Variants in CEP63 observed in about 807,000 individuals in gnomAD.
CEP63 encodes centrosomal protein 63.
A neutral mutation model predicts 89.1 loss-of-function variants in CEP63; 84 were observed. The observed-to-expected ratio is 0.94, with a 90% CI of 0.79 to 1.13. The LOEUF (loss-of-function observed/expected upper bound fraction) is 1.13, where lower values mean the gene tolerates loss of function less well. Among genes scored for constraint, CEP63 ranks in the 50% most tolerant of loss-of-function variants. The pLI, the probability that CEP63 is intolerant of heterozygous loss-of-function variation, is 0.00. For synonymous variants in CEP63, 267 were observed against 272.5 expected (o/e 0.98, Z 0.20); for missense variants, 838 against 813.3 (o/e 1.03, Z -0.37).
the CEP63 span, among the ~76,000 whole-genome samples, chr3:134,671,716 T>C: frequency 6.6e-6 from 1 of 152,182 alleles, no homozygotes; most frequent in Non-Finnish European, 1.5e-5. Flanking sequence ...TGCTGCTGGG[T>C]ACAGTGAACA....
chr3:134,550,535 G>T (rs1046042436), intron 11 of CEP63, among the ~76,000 whole-genome samples: 3 of 152,170 alleles, frequency 2.0e-5, no homozygotes, highest in Non-Finnish European at 4.4e-5. Flanking sequence ...AGGCCTTCCA[G>T]AAGGTGTGAT....
At chr3:134,746,944 G>T in the CEP63 span, among the ~76,000 whole-genome samples, 2 of 152,138 alleles carry the variant, frequency 1.3e-5, no homozygotes, top group African/African-American at 4.8e-5. Flanking sequence ...GATCCCATTT[G>T]TCTATTTTGG....
At chr3:134,485,945 C>T, upstream of CEP63, 1 of 980,818 alleles carries the variant, frequency 1.0e-6, no homozygotes, top group Non-Finnish European at 1.2e-6. Context: ...GCGCTGGAAA[C>T]CCTTACCGGC....
chr3:134,561,278 A>G lies in CEP63; in HGVS notation c.1954-99A>G, dbSNP rs562180657. On this transcript the variant is annotated intron_variant, in intron 14 of 14. Coordinates refer to ENST00000675561, the MANE Select transcript of CEP63 (RefSeq NM_001353108.3). ...AAAGTATCTTCAGAGGAAAAAAATCACCTTTTAATATTGCTAGTTAGAAAA... is the reference window on the plus strand; with the variant it reads ...AAAGTATCTTCAGAGGAAAAAAATCGCCTTTTAATATTGCTAGTTAGAAAA... The G allele has an allele frequency of 2.5e-5, 31 of 1,240,082 alleles. No individual in the cohort carries two copies. The African/African-American group carries it at 4.3e-4, about 17-fold the overall frequency. 76.8% of individuals were successfully genotyped at this position (1,240,082 alleles called of 1,614,324 possible).
At position 134,545,816 on chromosome 3, in the gene CEP63, A is replaced by T. The variant is rs762433578; in HGVS notation, c.786A>T (p.Leu262Phe). 5.6e-6 allele frequency: 9 copies of T among 1,606,952 alleles called. No homozygotes were observed. The South Asian group carries it at 9.9e-5, about 18-fold the overall frequency. ...AATTGAGGGAATCTGAAAAACTATT[A>T]GAGGTATGTTTTAAAATCACTATAA... ...EEKLRESEKL[L>F]EALQEEKREL... The change falls in exon 7 of 15, where the codon TTA (leucine) becomes TTT (phenylalanine). Residue 262 changes from leucine (L) to phenylalanine (F), a missense_variant. Physicochemically the swap from Leu to Phe is conservative, Grantham distance 22. Transcript: ENST00000675561.
chr3:134,531,323 G>A (rs1319914441), intron 3 of CEP63, among the ~76,000 whole-genome samples: 2 of 152,144 alleles, frequency 1.3e-5, no homozygotes, highest in Non-Finnish European at 2.9e-5. Context: ...GATGGCTCAC[G>A]CCTGTAATCC....
the CEP63 span, among the ~76,000 whole-genome samples, chr3:134,730,369 T>G: frequency 6.6e-6 from 1 of 152,188 alleles, no homozygotes; most frequent in Non-Finnish European, 1.5e-5. Flanking sequence ...CCACTTCCAC[T>G]GTATGGCTGT....
chr3:134,525,320 G>C (rs1948420194), intron 3 of CEP63, among the ~76,000 whole-genome samples: 1 of 152,012 alleles, frequency 6.6e-6, no homozygotes, highest in Non-Finnish European at 1.5e-5. Flanking sequence ...CAAGAAATCA[G>C]CTTCTAGATT....
chr3:134,654,847 C>G, the CEP63 span, among the ~76,000 whole-genome samples: 1 of 151,904 alleles, frequency 6.6e-6, no homozygotes, highest in Non-Finnish European at 1.5e-5. Context: ...TTCCTGGGTA[C>G]CCCAGTCCTT....
At chr3:134,750,750 T>C in the CEP63 span, among the ~76,000 whole-genome samples, 2 of 152,228 alleles carry the variant, frequency 1.3e-5, no homozygotes, top group Non-Finnish European at 2.9e-5. Flanking sequence ...CTTTCTTGCC[T>C]AGAAGTGCTG....
chr3:134,644,276 T>G, the CEP63 span, among the ~76,000 whole-genome samples: 2 of 152,360 alleles, frequency 1.3e-5, no homozygotes, highest in East Asian at 3.9e-4. Flanking sequence ...GGGATATTTC[T>G]GTCCCTGGGA....
At chr3:134,653,820 C>T in the CEP63 span, among the ~76,000 whole-genome samples, 2 of 152,164 alleles carry the variant, frequency 1.3e-5, no homozygotes, top group African/African-American at 4.8e-5. Context: ...CTTCCTTTTT[C>T]CCTACCAAAC....
the CEP63 span, among the ~76,000 whole-genome samples, chr3:134,600,443 A>G: frequency 6.6e-6 from 1 of 152,210 alleles, no homozygotes; most frequent in Non-Finnish European, 1.5e-5. Context: ...GCAGGCAGTG[A>G]GGAGGCTGTC....
At chr3:134,650,893 C>T in the CEP63 span, 7 of 1,613,040 alleles carry the variant, frequency 4.3e-6, no homozygotes, top group East Asian at 8.9e-5. Context: ...TGCGGCGCGC[C>T]GCTTCTCCGA....
the CEP63 span, among the ~76,000 whole-genome samples, chr3:134,672,605 T>C: frequency 6.6e-6 from 1 of 152,248 alleles, no homozygotes; most frequent in Non-Finnish European, 1.5e-5. Flanking sequence ...TTTGCACCTC[T>C]TTCTTGAACA....
intron 6 of CEP63, among the ~76,000 whole-genome samples, chr3:134,539,763 TCTC>T (rs1293703225): frequency 3.3e-5 from 5 of 152,174 alleles, no homozygotes; most frequent in African/African-American, 9.7e-5. Context: ...GGAAACAACT[TCTC>T]CTTCTTTGAC....
At chr3:134,761,600 C>T in the CEP63 span, among the ~76,000 whole-genome samples, 1 of 152,208 alleles carries the variant, frequency 6.6e-6, no homozygotes. Flanking sequence ...TGCCTCCACT[C>T]GCCACCCTGG....
chr3:134,535,911 C>G (rs935744988), intron 5 of CEP63: 1 of 152,194 alleles, frequency 6.6e-6, no homozygotes, highest in Admixed American at 6.5e-5. Flanking sequence ...AATCTGTTAT[C>G]CTAATGGCCT....
the CEP63 span, among the ~76,000 whole-genome samples, chr3:134,639,231 C>T: frequency 6.6e-6 from 1 of 152,166 alleles, no homozygotes; most frequent in African/African-American, 2.4e-5. Context: ...AAAGCAGTGA[C>T]ATCCCAGGAA....
Sources: allele counts gnomAD v4.1 joint callset (sites outside exome capture counted in the v4.1 genomes callset), GRCh38; gene constraint gnomAD v4.1.1; transcripts MANE v1.5; gene names NCBI Gene and HGNC (gene_info 2026-07-23, HGNC 2026-07-21).